TMEM117: variants seen among roughly 807,000 people sequenced by gnomAD.
TMEM117 encodes the protein transmembrane protein 117.
Under a neutral mutation model 52.4 loss-of-function variants are expected in TMEM117, and 27 were observed. The observed-to-expected ratio is 0.51, with a 90% confidence interval of 0.38 to 0.71. The LOEUF (loss-of-function observed/expected upper bound fraction) is 0.71, where lower values mean the gene tolerates loss of function less well. Among genes scored for constraint, TMEM117 ranks in the 30% least tolerant of loss-of-function variants. The probability of loss-of-function intolerance (pLI) is 0.00; values close to 1 mark genes in which losing one functional copy is unlikely to be tolerated. For synonymous variants in TMEM117, 215 were observed against 206.3 expected, an observed-to-expected ratio of 1.04 and a Z score of -0.36; for missense variants, 556 against 630.5, an observed-to-expected ratio of 0.88 and a Z score of 1.26.
intron 1 of TMEM117, among the ~76,000 whole-genome samples, chr12:43,843,177 T>C (rs1327154618): frequency 6.6e-6 from 1 of 152,198 alleles, no homozygotes; most frequent in Non-Finnish European, 1.5e-5. Context: ...CTTCCCCCTC[T>C]TCCCCCTCTT....
intron 3 of TMEM117, among the ~76,000 whole-genome samples, chr12:43,964,510 A>G (rs528658858): frequency 6.6e-6 from 1 of 152,330 alleles, no homozygotes; most frequent in African/African-American, 2.4e-5. Flanking sequence ...CCTATGAAGG[A>G]AATATATAGA....
chr12:44,042,760 C>CCACACACA (rs1565804486), intron 3 of TMEM117, among the ~76,000 whole-genome samples: 1 of 88,868 alleles, frequency 1.1e-5, no homozygotes, highest in Non-Finnish European at 2.0e-5. Context: ...CCTTAATAAA[C>CCACACACA]TACACACACA....
intron 4 of TMEM117, among the ~76,000 whole-genome samples, chr12:44,204,524 T>C (rs1047276180): frequency 6.0e-5 from 9 of 149,592 alleles, no homozygotes; most frequent in South Asian, 2.1e-4. Context: ...GTGCTATTTC[T>C]ACCATTTTTC....
chr12:44,307,684 G>T (rs1281803566), intron 6 of TMEM117, among the ~76,000 whole-genome samples: 2 of 152,208 alleles, frequency 1.3e-5, no homozygotes, highest in Non-Finnish European at 2.9e-5. Context: ...GAGGAGGACT[G>T]CATCATGTTT....
At chr12:43,943,082 G>T (rs1945070713) in intron 2 of TMEM117, among the ~76,000 whole-genome samples, 2 of 151,132 alleles carry the variant, frequency 1.3e-5, no homozygotes, top group South Asian at 2.1e-4. Context: ...GGAGGCTGAG[G>T]CAGGGGAATC....
chr12:44,216,005 C>CTTTCTTTCTTTCTTTCTTTCTTT (rs1555136266), intron 5 of TMEM117, among the ~76,000 whole-genome samples: 1 of 110,840 alleles, frequency 9.0e-6, no homozygotes, highest in Admixed American at 9.5e-5. Flanking sequence ...TTCTTTCTTT[C>CTTTCTTTCTTTCTTTCTTTCTTT]TTTTTTTTTT....
chr12:44,093,979 AG>A (rs1010759412), intron 3 of TMEM117, among the ~76,000 whole-genome samples: 1 of 152,140 alleles, frequency 6.6e-6, no homozygotes, highest in African/African-American at 2.4e-5. Context: ...ATCAACTAAT[AG>A]TATTTAAAGG....
the TMEM117 span, among the ~76,000 whole-genome samples, chr12:44,396,731 G>A: frequency 6.6e-6 from 1 of 151,720 alleles, no homozygotes; most frequent in Non-Finnish European, 1.5e-5. Context: ...GCGGGCACCT[G>A]TAATCCCAGA....
At chr12:43,903,892 C>T (rs1016874605) in intron 2 of TMEM117, among the ~76,000 whole-genome samples, 1 of 152,040 alleles carries the variant, frequency 6.6e-6, no homozygotes, top group Non-Finnish European at 1.5e-5. Flanking sequence ...GCCTCAATGA[C>T]TCCTTTATGT....
intron 2 of TMEM117, among the ~76,000 whole-genome samples, chr12:43,924,423 A>G (rs1454158054): frequency 6.6e-6 from 1 of 152,166 alleles, no homozygotes; most frequent in Non-Finnish European, 1.5e-5. Context: ...GTAAGAAAAT[A>G]TGATACATTA....
intron 3 of TMEM117, among the ~76,000 whole-genome samples, chr12:43,987,788 C>G (rs1945872836): frequency 1.3e-5 from 2 of 152,042 alleles, no homozygotes; most frequent in African/African-American, 4.8e-5. Context: ...ACATTTTGTT[C>G]TGATGATTCA....
In TMEM117 at chr12:44,388,294, T is replaced by C; in HGVS notation, c.1167T>C (p.Ser389=). Residue 389 remains serine, a synonymous_variant, in exon 8 of 8, where the codon AGT becomes AGC. Transcript: ENST00000266534. The stretch of plus-strand genomic sequence containing the variant: ...TACACAGCAGGTTCATAGGAGCCAG[T>C]CTTGATGTCAAGTGTCTGGCCTTTG... ...MFLHSRFIGA[S]LDVKCLAFVP... 6.2e-7 allele frequency: 1 copy of C among 1,613,612 alleles called. No individual in the cohort carries two copies. The highest frequency in any genetic ancestry group is 8.5e-7 in the Non-Finnish European group (1 of 1,179,660).
chr12:44,069,478 G>A (rs1407125519), intron 3 of TMEM117, among the ~76,000 whole-genome samples: 2 of 152,158 alleles, frequency 1.3e-5, no homozygotes, highest in East Asian at 1.9e-4. Context: ...CTCAAGGCAG[G>A]AGTGTGCCTG....
At chr12:43,908,763 A>G (rs1186396674) in intron 2 of TMEM117, among the ~76,000 whole-genome samples, 2 of 151,830 alleles carry the variant, frequency 1.3e-5, no homozygotes, top group Admixed American at 6.6e-5. Context: ...CCATTACTTA[A>G]TGGTAAAGGG....
intron 3 of TMEM117, among the ~76,000 whole-genome samples, chr12:44,026,453 G>C (rs1946534554): frequency 6.6e-6 from 1 of 152,134 alleles, no homozygotes; most frequent in African/African-American, 2.4e-5. Context: ...GTTTTCACAT[G>C]TCACCTTCTC....
At chr12:44,028,836 G>C (rs960393900) in intron 3 of TMEM117, among the ~76,000 whole-genome samples, 1 of 152,116 alleles carries the variant, frequency 6.6e-6, no homozygotes, top group Non-Finnish European at 1.5e-5. Flanking sequence ...TCTTGCACAG[G>C]ATCCAAGAAT....
At chr12:44,293,701 C>T (rs911505955) in intron 5 of TMEM117, among the ~76,000 whole-genome samples, 5 of 152,008 alleles carry the variant, frequency 3.3e-5, no homozygotes, top group African/African-American at 1.2e-4. Flanking sequence ...CTTTTACTCC[C>T]CAGTCAACGT....
intron 3 of TMEM117, among the ~76,000 whole-genome samples, chr12:44,078,527 C>T (rs1436927495): frequency 5.3e-5 from 8 of 152,182 alleles, no homozygotes; most frequent in Admixed American, 6.5e-5. Flanking sequence ...AACCAGTGCA[C>T]GATTGGATGA....
chr12:43,836,416 A>G (rs1943030621), intron 1 of TMEM117, among the ~76,000 whole-genome samples: 2 of 152,022 alleles, frequency 1.3e-5, no homozygotes, highest in Non-Finnish European at 2.9e-5. Flanking sequence ...TGAAGTGTCA[A>G]GGAGGGAGGG....
Sources: allele counts gnomAD v4.1 joint callset (sites outside exome capture counted in the v4.1 genomes callset), GRCh38; gene constraint gnomAD v4.1.1; transcripts MANE v1.5; gene names NCBI Gene and HGNC (gene_info 2026-07-23, HGNC 2026-07-21).